Variants in ASIC2 observed in about 807,000 individuals in gnomAD.
The protein encoded by ASIC2 is acid sensing ion channel subunit 2.
Under a neutral mutation model 57.3 loss-of-function variants are expected in ASIC2, and 25 were observed. The ratio of observed to expected loss-of-function variants is 0.44; its 90% CI spans 0.32 to 0.61. ASIC2 has a LOEUF of 0.61. Ranked by LOEUF, ASIC2 falls within the 20% of genes least tolerant of loss-of-function variation. ASIC2 has a pLI of 0.06. For synonymous variants in ASIC2, 319 were observed against 307.5 expected (o/e 1.04, Z -0.39); for missense variants, 641 against 738.1 (o/e 0.87, Z 1.52).
chr17:33,523,331 A>G (rs1339006924), intron 1 of ASIC2, among the ~76,000 whole-genome samples: 1 of 152,170 alleles, frequency 6.6e-6, no homozygotes, highest in Non-Finnish European at 1.5e-5. Flanking sequence ...ATCTGGGCTC[A>G]CTGCAACCTC....
At chr17:33,915,358 C>A (rs1452332316) in intron 1 of ASIC2, among the ~76,000 whole-genome samples, 1 of 152,234 alleles carries the variant, frequency 6.6e-6, no homozygotes, top group Non-Finnish European at 1.5e-5. Flanking sequence ...CCCTCCAGGG[C>A]TGTTCCTGCT....
At chr17:33,433,958 T>C (rs60483445) in intron 1 of ASIC2, among the ~76,000 whole-genome samples, 2,183 of 150,626 alleles carry the variant, frequency 0.014, 71 homozygotes, top group African/African-American at 0.051. Context: ...AGAGAAACAA[T>C]AGGTAAGAGA....
intron 1 of ASIC2, among the ~76,000 whole-genome samples, chr17:33,703,428 C>T (rs150995135): frequency 1.2e-3 from 187 of 151,926 alleles, no homozygotes; most frequent in African/African-American, 4.3e-3. Context: ...TCTCTGCTTA[C>T]TGCAACCTCT....
intron 1 of ASIC2, among the ~76,000 whole-genome samples, chr17:34,056,402 T>C (rs1042373049): frequency 2.6e-5 from 4 of 152,196 alleles, no homozygotes; most frequent in African/African-American, 9.7e-5. Context: ...GGTTTTGTTT[T>C]ATGAACCAAT....
chr17:33,186,244 G>A (rs931395059), intron 1 of ASIC2, among the ~76,000 whole-genome samples: 6 of 152,026 alleles, frequency 3.9e-5, no homozygotes, highest in African/African-American at 1.2e-4. Context: ...TCGAGTAGCT[G>A]GGATCACAGG....
intron 1 of ASIC2, among the ~76,000 whole-genome samples, chr17:33,495,158 G>C (rs559767565): frequency 1.3e-5 from 2 of 152,214 alleles, no homozygotes; most frequent in Non-Finnish European, 1.5e-5. Context: ...CCAAATGCAA[G>C]TTCTGCCCCT....
At chr17:33,614,994 A>C (rs1191624760) in intron 1 of ASIC2, among the ~76,000 whole-genome samples, 2 of 152,240 alleles carry the variant, frequency 1.3e-5, no homozygotes, top group Admixed American at 1.3e-4. Context: ...CATTAATTAC[A>C]AGTCAAACTG....
intron 1 of ASIC2, among the ~76,000 whole-genome samples, chr17:33,130,707 C>T (rs1321338861): frequency 6.6e-6 from 1 of 152,162 alleles, no homozygotes; most frequent in Non-Finnish European, 1.5e-5. Context: ...GGGGACTTGG[C>T]TGGAGTCTAG....
chr17:34,095,700 GAGATATATAATTTTATATAT>G (rs1158450912), intron 1 of ASIC2, among the ~76,000 whole-genome samples: 2 of 128,074 alleles, frequency 1.6e-5, no homozygotes, highest in Non-Finnish European at 3.4e-5. Flanking sequence ...ATTTTATATA[GAGATATATAATTTTATATAT>G]AGAGAGATAT....
chr17:33,882,497 G>T (rs970705020), intron 1 of ASIC2, among the ~76,000 whole-genome samples: 1 of 152,178 alleles, frequency 6.6e-6, no homozygotes, highest in Non-Finnish European at 1.5e-5. Flanking sequence ...GCAGCCAACA[G>T]ACACATGAAA....
chr17:34,096,525 T>C (rs1598022291), intron 1 of ASIC2, among the ~76,000 whole-genome samples: 1 of 152,104 alleles, frequency 6.6e-6, no homozygotes, highest in African/African-American at 2.4e-5. Flanking sequence ...TTTAGTGTTA[T>C]GGAAAAATCC....
intron 1 of ASIC2, among the ~76,000 whole-genome samples, chr17:33,507,375 G>A (rs1023600235): frequency 1.4e-4 from 22 of 152,202 alleles, no homozygotes; most frequent in African/African-American, 5.1e-4. Flanking sequence ...TCATCCTGGG[G>A]AAGTGATACA....
intron 1 of ASIC2, chr17:34,005,819 A>T (rs1201592069): frequency 6.6e-6 from 1 of 152,226 alleles, no homozygotes; most frequent in Non-Finnish European, 1.5e-5. Flanking sequence ...CTACTGGAGA[A>T]AAGATCATAC....
intron 1 of ASIC2, among the ~76,000 whole-genome samples, chr17:33,879,085 C>G (rs1202199150): frequency 6.6e-6 from 1 of 152,064 alleles, no homozygotes; most frequent in Admixed American, 6.6e-5. Context: ...CCAGGCCTGC[C>G]CTAAAAGAGC....
At chr17:33,262,572 G>C (rs1909323816) in intron 1 of ASIC2, among the ~76,000 whole-genome samples, 1 of 151,972 alleles carries the variant, frequency 6.6e-6, no homozygotes. Flanking sequence ...CTGTATTCTG[G>C]GCCCCAAGCA....
intron 1 of ASIC2, among the ~76,000 whole-genome samples, chr17:33,467,339 G>A (rs940438840): frequency 6.6e-6 from 1 of 152,132 alleles, no homozygotes; most frequent in African/African-American, 2.4e-5. Context: ...GGCTTTAAAA[G>A]CTGAGAAAAT....
chr17:33,412,185 T>C (rs1910687356), intron 1 of ASIC2, among the ~76,000 whole-genome samples: 1 of 152,240 alleles, frequency 6.6e-6, no homozygotes, highest in Non-Finnish European at 1.5e-5. Flanking sequence ...TATTGCTTTT[T>C]CTCAAGCTAA....
At chr17:33,479,673 C>A (rs984158694) in intron 1 of ASIC2, among the ~76,000 whole-genome samples, 2 of 152,188 alleles carry the variant, frequency 1.3e-5, no homozygotes. Flanking sequence ...CTGGGCATAA[C>A]CCGTGCTGGG....
intron 1 of ASIC2, among the ~76,000 whole-genome samples, chr17:34,097,014 G>A (rs1910572544): frequency 6.6e-6 from 1 of 151,932 alleles, no homozygotes; most frequent in Admixed American, 6.6e-5. Context: ...TTACTTAGAA[G>A]CTCATACAAG....
Sources: gnomAD v4.1 joint callset for allele counts (sites outside exome capture counted in the v4.1 genomes callset) on GRCh38, gnomAD v4.1.1 for gene constraint, MANE v1.5 for transcripts, NCBI Gene and HGNC (gene_info 2026-07-23, HGNC 2026-07-21) for gene names.